ADARB2: variants seen among roughly 807,000 people sequenced by gnomAD.
The protein encoded by ADARB2 is adenosine deaminase RNA specific B2 (inactive).
Under a neutral mutation model 62.2 loss-of-function variants are expected in ADARB2, and 25 were observed. The ratio of observed to expected loss-of-function variants is 0.40; its 90% CI spans 0.29 to 0.56. ADARB2 has a LOEUF of 0.56. Ranked by LOEUF, ADARB2 falls within the 20% of genes least tolerant of loss-of-function variation. ADARB2 has a pLI of 0.43. For missense variants in ADARB2, 1,071 were observed against 1,077.4 expected (o/e 0.99, Z 0.08); for synonymous variants, 572 against 500.8 (o/e 1.14, Z -1.90).
intron 1 of ADARB2, among the ~76,000 whole-genome samples, chr10:1,388,895 C>T (rs1223250579): frequency 1.3e-5 from 2 of 151,952 alleles, no homozygotes; most frequent in Non-Finnish European, 2.9e-5. Flanking sequence ...CCAGAATAGT[C>T]GAAACAATAT....
chr10:1,576,420 G>A (rs1026198400), intron 1 of ADARB2, among the ~76,000 whole-genome samples: 2 of 152,280 alleles, frequency 1.3e-5, no homozygotes, highest in African/African-American at 4.8e-5. Flanking sequence ...ATCACTGGAG[G>A]GGCTCAGGGG....
intron 1 of ADARB2, among the ~76,000 whole-genome samples, chr10:1,647,982 G>A (rs1419742910): frequency 6.6e-6 from 1 of 152,116 alleles, no homozygotes; most frequent in Admixed American, 6.5e-5. Flanking sequence ...CCATTAAACT[G>A]GTGTGATAAA....
At chr10:1,264,008 T>C (rs1357151887) in intron 4 of ADARB2, among the ~76,000 whole-genome samples, 1 of 152,194 alleles carries the variant, frequency 6.6e-6, no homozygotes, top group African/African-American at 2.4e-5. Context: ...CCTAACAGTT[T>C]AAACCAAAGA....
At chr10:1,580,974 C>T (rs1020979660) in intron 1 of ADARB2, among the ~76,000 whole-genome samples, 16 of 152,232 alleles carry the variant, frequency 1.1e-4, no homozygotes, top group African/African-American at 3.6e-4. Context: ...TATTCCCTCA[C>T]CCACTGAAGG....
intron 4 of ADARB2, among the ~76,000 whole-genome samples, chr10:1,265,570 G>T (rs568451446): frequency 5.7e-4 from 85 of 147,828 alleles, no homozygotes; most frequent in African/African-American, 2.0e-3. Context: ...CCGGAAGACG[G>T]CCTGAGTCAG....
At chr10:1,219,631 A>G (rs1017281919) in intron 6 of ADARB2, among the ~76,000 whole-genome samples, 5 of 152,232 alleles carry the variant, frequency 3.3e-5, no homozygotes, top group African/African-American at 1.2e-4. Flanking sequence ...ATAAAGCACA[A>G]ATCTCTTCTT....
chr10:1,294,635 C>T (rs79573276), intron 3 of ADARB2, among the ~76,000 whole-genome samples: 1,540 of 152,288 alleles, frequency 0.01, 30 homozygotes, highest in African/African-American at 0.033. Context: ...CGATGGTAAC[C>T]GCTGGGTCAC....
intron 1 of ADARB2, among the ~76,000 whole-genome samples, chr10:1,505,074 G>A (rs956606196): frequency 1.3e-5 from 2 of 150,238 alleles, no homozygotes; most frequent in Non-Finnish European, 3.0e-5. Flanking sequence ...AGACACACAC[G>A]GATGCACACA....
At chr10:1,341,345 G>T (rs902740457) in intron 3 of ADARB2, among the ~76,000 whole-genome samples, 2 of 143,888 alleles carry the variant, frequency 1.4e-5, no homozygotes, top group Non-Finnish European at 3.0e-5. Flanking sequence ...AGAGAACAAC[G>T]TGCCCTGCAA....
chr10:1,257,956 A>G (rs921963623), intron 4 of ADARB2, among the ~76,000 whole-genome samples: 1 of 152,222 alleles, frequency 6.6e-6, no homozygotes, highest in Non-Finnish European at 1.5e-5. Context: ...ACTCAGTTTC[A>G]CATTTGTTCA....
At chr10:1,711,055 C>T (rs1407885388) in intron 1 of ADARB2, among the ~76,000 whole-genome samples, 3 of 152,116 alleles carry the variant, frequency 2.0e-5, no homozygotes, top group Admixed American at 1.3e-4. Flanking sequence ...TACTCTGAGG[C>T]CTGGCCCACC....
intron 1 of ADARB2, among the ~76,000 whole-genome samples, chr10:1,454,977 T>G (rs1336283826): frequency 6.6e-6 from 1 of 152,162 alleles, no homozygotes; most frequent in Non-Finnish European, 1.5e-5. Context: ...ACAGAGGAAA[T>G]TCTAAATAAG....
intron 1 of ADARB2, among the ~76,000 whole-genome samples, chr10:1,591,062 G>A (rs1362654422): frequency 6.6e-6 from 1 of 152,264 alleles, no homozygotes; most frequent in Non-Finnish European, 1.5e-5. Flanking sequence ...CAGTGAAACT[G>A]TTCTAAGAAT....
intron 1 of ADARB2, among the ~76,000 whole-genome samples, chr10:1,441,540 T>G (rs2131895886): frequency 6.6e-6 from 1 of 152,360 alleles, no homozygotes; most frequent in South Asian, 2.1e-4. Context: ...AGACATATTA[T>G]GTCATTAAAC....
chr10:1,496,489 C>T (rs1285104624), intron 1 of ADARB2, among the ~76,000 whole-genome samples: 7 of 151,968 alleles, frequency 4.6e-5, no homozygotes, highest in Non-Finnish European at 1.0e-4. Flanking sequence ...TTGTCATCAC[C>T]ATCACCATAT....
At chr10:1,731,020 G>T (rs1056644383) in intron 1 of ADARB2, among the ~76,000 whole-genome samples, 23 of 152,152 alleles carry the variant, frequency 1.5e-4, no homozygotes, top group Non-Finnish European at 2.2e-4. Context: ...CATATGGAGG[G>T]CCTGGGAAAT....
At chr10:1,232,522 G>A (rs1433180705) in intron 6 of ADARB2, among the ~76,000 whole-genome samples, 1 of 151,682 alleles carries the variant, frequency 6.6e-6, no homozygotes, top group African/African-American at 2.4e-5. Context: ...TGTGCTGTGT[G>A]TGATGTGTGG....
rs371106013 is a variant in ADARB2, at chr10:1,426,970, C to T, written c.101-47810G>A. Among the ~76,000 whole-genome samples the T allele has an allele frequency of 1.6e-4, 25 of 152,396 alleles. No homozygotes were observed. Among genetic ancestry groups the T allele is most frequent in the East Asian group, 1.3e-3 (7 of 5,186 alleles). Reference sequence around the variant, plus strand: ...GGGAAGAGGCCACAGAGCTATGTGTCGGCCCCACGCTTGGGCAGACCACTG... The same window carrying T: ...GGGAAGAGGCCACAGAGCTATGTGTTGGCCCCACGCTTGGGCAGACCACTG... On this transcript the variant is annotated intron_variant, in intron 1 of 9. Coordinates refer to ENST00000381312, the MANE Select transcript of ADARB2 (RefSeq NM_018702.4). The surrounding 1 kb of genome is among the most constrained non-coding windows in gnomAD (Gnocchi z 4.1).
intron 1 of ADARB2, among the ~76,000 whole-genome samples, chr10:1,491,693 C>T (rs1049426885): frequency 9.2e-5 from 14 of 152,298 alleles, no homozygotes; most frequent in African/African-American, 3.1e-4. Context: ...CATAACCTAC[C>T]TTTCTTTATG....
Sources: gnomAD v4.1 joint callset for allele counts (sites outside exome capture counted in the v4.1 genomes callset) on GRCh38, gnomAD v4.1.1 for gene constraint, Gnocchi (gnomAD v3.1) non-coding constraint, MANE v1.5 for transcripts, NCBI Gene and HGNC (gene_info 2026-07-23, HGNC 2026-07-21) for gene names.